PPID: variants seen among roughly 807,000 people sequenced by gnomAD.
PPID encodes peptidyl-prolyl cis-trans isomerase D.
PPID carries 47 observed loss-of-function variants against 48.1 expected under a neutral mutation model. That is an observed-to-expected ratio of 0.98 (90% confidence interval 0.77 to 1.25). The LOEUF (loss-of-function observed/expected upper bound fraction) is 1.25. PPID is among the 50% of genes most tolerant of loss of function. The pLI is 0.00. For missense variants in PPID, 429 were observed against 443.5 expected (o/e 0.97, Z 0.29); for synonymous variants, 163 against 148.8 (o/e 1.10, Z -0.69).
intron 4 of PPID, 68 bp downstream of exon 4, chr4:158,716,944 T>A: frequency 6.6e-7 from 1 of 1,508,018 alleles, no homozygotes; most frequent in Non-Finnish European, 9.2e-7. Flanking sequence ...CTGGAACAGA[T>A]CGAGACTCCG....
chr4:158,711,245 A>C lies in PPID; in HGVS notation c.895-397T>G, dbSNP rs372340155. ...TAAGTTTTTGTTTTTTGTTTTTTTA[A>C]GACAAGGTCTCACTCTGTGGCCCAG... On this transcript the variant is annotated intron_variant, in intron 7 of 9. Coordinates refer to ENST00000307720, the MANE Select transcript of PPID (RefSeq NM_005038.3). 7.2e-5 allele frequency among the ~76,000 whole-genome samples: 11 copies of C among 152,130 alleles called. No homozygotes were observed. The South Asian group carries it at 2.3e-3, about 32-fold the overall frequency.
intron 2 of PPID, among the ~76,000 whole-genome samples, chr4:158,720,531 G>T (rs940720465): frequency 6.6e-6 from 1 of 152,126 alleles, no homozygotes; most frequent in Non-Finnish European, 1.5e-5. Flanking sequence ...CATAGAGCCT[G>T]CAGTCTATTG....
At chr4:158,716,906 A>T (rs1774881630) in intron 4 of PPID, 106 bp downstream of exon 4, 7 of 1,126,666 alleles carry the variant, frequency 6.2e-6, no homozygotes. Context: ...GGCTGCAGTG[A>T]GCCGAGACCG....
At chr4:158,721,000 C>T (rs72693401) in intron 2 of PPID, among the ~76,000 whole-genome samples, 5 of 152,342 alleles carry the variant, frequency 3.3e-5, no homozygotes, top group Non-Finnish European at 7.3e-5. Flanking sequence ...AGGCGTGAGC[C>T]ACTGCGCCCG....
chr4:158,718,237 T>C (rs1774902604), intron 3 of PPID, among the ~76,000 whole-genome samples: 1 of 152,212 alleles, frequency 6.6e-6, no homozygotes, highest in Non-Finnish European at 1.5e-5. Context: ...CCTTTTTAAA[T>C]TCTGCATCAA....
chr4:158,723,353 A>T lies in PPID; in HGVS notation c.-65T>A. 1 of 1,485,384 alleles carries T rather than the reference A, an allele frequency of 6.7e-7. No homozygotes were observed. Among genetic ancestry groups the T allele is most frequent in the Non-Finnish European group, 9.3e-7 (1 of 1,072,938 alleles). 92.0% of individuals were successfully genotyped at this position (1,485,384 alleles called of 1,614,324 possible). On this transcript the variant is annotated 5_prime_UTR_variant, in exon 1 of 10. Transcript: ENST00000307720. ...CCTAGTGGCCGCCCGGGCCGCCCAA[A>T]CTCCAGAGTCCGTCTCCGCCGGAGA...
At chr4:158,712,361 T>A (rs1025409828) in intron 7 of PPID, among the ~76,000 whole-genome samples, 1 of 152,320 alleles carries the variant, frequency 6.6e-6, no homozygotes, top group African/African-American at 2.4e-5. Flanking sequence ...AATCACTTAT[T>A]AAGCTTCTTG....
intron 2 of PPID, among the ~76,000 whole-genome samples, chr4:158,720,867 A>G (rs6830549): frequency 0.06 from 9,043 of 150,796 alleles, 691 homozygotes; most frequent in African/African-American, 0.19. Flanking sequence ...GGCGCCCACC[A>G]TCACACCCGG....
chr4:158,710,101 A>T (rs560731342), intron 9 of PPID: 2 of 435,076 alleles, frequency 4.6e-6, no homozygotes, highest in South Asian at 6.0e-5. Context: ...GTAATAAGAG[A>T]CCAAAGACAT....
chr4:158,717,736 AT>A (rs1476246815), intron 3 of PPID, among the ~76,000 whole-genome samples: 1 of 152,198 alleles, frequency 6.6e-6, no homozygotes, highest in African/African-American at 2.4e-5. Context: ...TACTTTCCTA[AT>A]CTCAAAAGAA....
intron 9 of PPID, chr4:158,710,297 C>T (rs940908537): frequency 1.4e-5 from 6 of 419,172 alleles, no homozygotes; most frequent in Non-Finnish European, 2.6e-5. Context: ...GCTGAGCTCT[C>T]GACTAGACTA....
In PPID at chr4:158,715,583, A is replaced by T; in HGVS notation, c.624T>A (p.Asp208Glu). ...TCACATCTTTTAAATCTATATCCGC[A>T]TCCTCAGGGAAATCTGGATGACTGT... ...SGDSHPDFPE[D>E]ADIDLKDVDK... The change falls in exon 5 of 10, where the codon GAT (aspartate) becomes GAA (glutamate). Residue 208 changes from aspartate to glutamate, a missense_variant. Asp to Glu is a conservative substitution (Grantham distance 45). Coordinates refer to ENST00000307720, the MANE Select transcript of PPID (RefSeq NM_005038.3). 1 of 1,614,034 alleles carries T rather than the reference A, an allele frequency of 6.2e-7. No homozygotes were observed. The highest frequency in any genetic ancestry group is 2.2e-5 in the East Asian group (1 of 44,882).
chr4:158,720,650 T>A (rs561725686), intron 2 of PPID, among the ~76,000 whole-genome samples: 1 of 152,350 alleles, frequency 6.6e-6, no homozygotes, highest in South Asian at 2.1e-4. Flanking sequence ...AAACACTGAA[T>A]CTTCAAATCT....
At chr4:158,710,221 T>A (rs1774762902) in intron 9 of PPID, 1 of 340,674 alleles carries the variant, frequency 2.9e-6, no homozygotes, top group Non-Finnish European at 5.4e-6. Context: ...AATACTAAGG[T>A]TATAGCCACA....
intron 7 of PPID, 145 bp from the exon 8 acceptor site, chr4:158,710,993 G>T: frequency 1.4e-6 from 1 of 716,770 alleles, no homozygotes; most frequent in Non-Finnish European, 2.3e-6. Context: ...TCCTCTGCCA[G>T]TGGGCACTAA....
intron 6 of PPID, among the ~76,000 whole-genome samples, chr4:158,715,040 C>A (rs1387362653): frequency 6.6e-6 from 1 of 152,064 alleles, no homozygotes; most frequent in Non-Finnish European, 1.5e-5. Flanking sequence ...CAAAATAGTT[C>A]TGTAAAAACG....
chr4:158,715,420 A>C lies in PPID; in HGVS notation c.646-17T>G. 6.7e-7 allele frequency: 1 copy of C among 1,491,706 alleles called. No homozygotes were observed. The highest frequency in any genetic ancestry group is 1.4e-5 in the African/African-American group (1 of 70,206). 92.4% of individuals were successfully genotyped at this position (1,491,706 alleles called of 1,614,324 possible). ...TTTATCTACCTGTATAAAAAAATAC[A>C]AATATGTTGGATTTTAGTAAGTAAT... On this transcript the variant is annotated splice_polypyrimidine_tract_variant and intron_variant, in intron 5 of 9. Coordinates refer to ENST00000307720, the MANE Select transcript of PPID (RefSeq NM_005038.3).
In PPID at chr4:158,713,024, T is replaced by C. The variant is rs531373860; in HGVS notation, c.894+95A>G. 6.1e-6 allele frequency: 8 copies of C among 1,306,222 alleles called. No individual in the cohort carries two copies. The African/African-American group carries it at 1.0e-4, about 17-fold the overall frequency. The allele number at this position is 1,306,222 out of a possible 1,614,324, so 80.9% of individuals were successfully genotyped here. A position where few individuals can be genotyped will look rare whatever the true frequency, so the allele number is the denominator to read the frequency against. On this transcript the variant is annotated intron_variant, in intron 7 of 9. Transcript: ENST00000307720. ...TTTTCTTAAGCCTCATTAGGTCCTATGCAATAAGATATATTAATGTATATA... is the reference window on the plus strand; with the variant it reads ...TTTTCTTAAGCCTCATTAGGTCCTACGCAATAAGATATATTAATGTATATA...
Position 158,715,634 on chromosome 4 carries a change from TCCC to T in PPID, c.570_572del (p.Gly191del). On this transcript the variant is annotated inframe_deletion, in exon 5 of 10. Coordinates refer to ENST00000307720, the MANE Select transcript of PPID (RefSeq NM_005038.3). Reference sequence around the variant, plus strand: ...CGCCAGAGCCATCTTTTGGGAATATTCCCCCGTCATCTCCTTCCTTCAATTCTC... The same window carrying T: ...CGCCAGAGCCATCTTTTGGGAATATTCCGTCATCTCCTTCCTTCAATTCTC... 1 of 1,611,006 alleles carries T rather than the reference TCCC, an allele frequency of 6.2e-7. No individual in the cohort carries two copies. The highest frequency in any genetic ancestry group is 8.5e-7 in the Non-Finnish European group (1 of 1,177,156).
Sources: gnomAD v4.1 joint callset for allele counts (sites outside exome capture counted in the v4.1 genomes callset) on GRCh38, gnomAD v4.1.1 for gene constraint, MANE v1.5 for transcripts, NCBI Gene and HGNC (gene_info 2026-07-23, HGNC 2026-07-21) for gene names.